DCAF1: variants seen among roughly 807,000 people sequenced by gnomAD.
DCAF1 encodes the protein DDB1- and CUL4-associated factor 1.
DCAF1 carries 15 observed loss-of-function variants against 128.0 expected under a neutral mutation model. That is an observed-to-expected ratio of 0.12 (90% CI 0.08 to 0.18). The LOEUF (loss-of-function observed/expected upper bound fraction) is 0.18. DCAF1 is among the 10% of genes least tolerant of loss of function. The probability of loss-of-function intolerance (pLI) is 1.00; values close to 1 mark genes in which losing one functional copy is unlikely to be tolerated. For missense variants in DCAF1, 988 were observed against 1,649.5 expected, an observed-to-expected ratio of 0.60 and a Z score of 6.95; for synonymous variants, 610 against 603.0, an observed-to-expected ratio of 1.01 and a Z score of -0.17.
chr3:51,499,013 C>G (rs782471633), intron 1 of DCAF1, among the ~76,000 whole-genome samples: 2 of 152,070 alleles, frequency 1.3e-5, no homozygotes, highest in Non-Finnish European at 2.9e-5. Flanking sequence ...AAGGAAAAAC[C>G]AAGACCAACA....
chr3:51,440,641 C>CA (rs527764219), intron 9 of DCAF1, among the ~76,000 whole-genome samples: 27 of 151,600 alleles, frequency 1.8e-4, no homozygotes, highest in Non-Finnish European at 3.5e-4. Flanking sequence ...CGCAGTGGCT[C>CA]ACGCCTGTAA....
chr3:51,464,453 G>A (rs1278479996), intron 5 of DCAF1, among the ~76,000 whole-genome samples: 1 of 151,902 alleles, frequency 6.6e-6, no homozygotes, highest in African/African-American at 2.4e-5. Flanking sequence ...CCAGCACATT[G>A]GGTGGCCAAA....
upstream of DCAF1, among the ~76,000 whole-genome samples, chr3:51,504,330 C>T (rs1553664915): frequency 6.6e-6 from 1 of 151,992 alleles, no homozygotes; most frequent in Non-Finnish European, 1.5e-5. Context: ...GCCACCGCGC[C>T]TGGCAACCCC....
At chr3:51,455,075 GTTTA>G (rs1239952816) in intron 6 of DCAF1, among the ~76,000 whole-genome samples, 1 of 152,064 alleles carries the variant, frequency 6.6e-6, no homozygotes, top group Non-Finnish European at 1.5e-5. Flanking sequence ...GAAATTATCA[GTTTA>G]TTTTTGTTTG....
chr3:51,496,952 A>G (rs1553661195), intron 1 of DCAF1, among the ~76,000 whole-genome samples, 172 bp from the exon 2 acceptor site: 1 of 152,092 alleles, frequency 6.6e-6, no homozygotes, highest in Non-Finnish European at 1.5e-5. Flanking sequence ...ATTCCACAAA[A>G]TATATATATA....
chr3:51,501,416 C>G (rs1406267522), upstream of DCAF1, among the ~76,000 whole-genome samples: 1 of 152,128 alleles, frequency 6.6e-6, no homozygotes, highest in Non-Finnish European at 1.5e-5. Flanking sequence ...AGCAGAATCT[C>G]GACCTGACAA....
rs138930039 is a variant in DCAF1, at chr3:51,443,984, T to C, written c.376-81A>G. 3,322 of 1,375,372 alleles carry C rather than the reference T, an allele frequency of 2.4e-3. 57 individuals carry two copies. In the African/African-American group the frequency reaches 0.029, roughly 12 times the overall value. The allele number at this position is 1,375,372 out of a possible 1,614,324, so 85.2% of individuals were successfully genotyped here. A position where few individuals can be genotyped will look rare whatever the true frequency, so the allele number is the denominator to read the frequency against. On this transcript the variant is annotated intron_variant, in intron 6 of 24. Transcript: ENST00000684031. ...ACAATAAGCAAAGATTTCAGTCTCA[T>C]GAAAAAAATTTTAATATTTCAATGT...
intron 13 of DCAF1, among the ~76,000 whole-genome samples, chr3:51,425,085 C>A (rs1553633772): frequency 6.6e-6 from 1 of 152,064 alleles, no homozygotes; most frequent in African/African-American, 2.4e-5. Flanking sequence ...ATTTTCTTTT[C>A]TCTTTAAAAG....
intron 5 of DCAF1, among the ~76,000 whole-genome samples, chr3:51,464,031 T>G (rs1190133816): frequency 2.0e-5 from 3 of 151,946 alleles, no homozygotes; most frequent in African/African-American, 7.3e-5. Flanking sequence ...ATTTTTTCAT[T>G]TTTAGTAGAG....
chr3:51,460,106 G>A (rs2108003681), intron 6 of DCAF1, among the ~76,000 whole-genome samples: 1 of 152,266 alleles, frequency 6.6e-6, no homozygotes, highest in South Asian at 2.1e-4. Context: ...AGGAAAAGAG[G>A]AAGTCAAATT....
At chr3:51,457,000 G>A (rs1553643031) in intron 6 of DCAF1, among the ~76,000 whole-genome samples, 1 of 152,180 alleles carries the variant, frequency 6.6e-6, no homozygotes, top group African/African-American at 2.4e-5. Flanking sequence ...CTAAAAATCA[G>A]AGCGCCTCTC....
At chr3:51,427,668 T>C (rs1700019727) in intron 12 of DCAF1, 127 bp from the exon 13 acceptor site, 1 of 424,708 alleles carries the variant, frequency 2.4e-6, no homozygotes, top group African/African-American at 2.0e-5. Context: ...GGTCTCACTT[T>C]GCTGCCCAGG....
intron 2 of DCAF1, among the ~76,000 whole-genome samples, chr3:51,491,118 G>A (rs1472503057): frequency 2.0e-5 from 3 of 151,462 alleles, no homozygotes; most frequent in African/African-American, 7.3e-5. Context: ...GGGAGGTCGA[G>A]GCAGGTGGAT....
intron 6 of DCAF1, among the ~76,000 whole-genome samples, chr3:51,457,361 G>GA (rs1553643139): frequency 6.6e-6 from 1 of 152,094 alleles, no homozygotes; most frequent in Non-Finnish European, 1.5e-5. Context: ...GAAGTTTACA[G>GA]AAAAAAGAAT....
At chr3:51,414,518 C>T in intron 19 of DCAF1, 106 bp downstream of exon 19, 2 of 1,443,366 alleles carry the variant, frequency 1.4e-6, no homozygotes, top group Non-Finnish European at 9.3e-7. Flanking sequence ...CATATTATTA[C>T]CAGTGTGGAC....
chr3:51,430,596 T>C (rs1700281114), intron 10 of DCAF1, among the ~76,000 whole-genome samples: 2 of 152,192 alleles, frequency 1.3e-5, no homozygotes, highest in Non-Finnish European at 2.9e-5. Context: ...GTCTAGGAGT[T>C]TGGTATTCAT....
intron 5 of DCAF1, 67 bp downstream of exon 5, chr3:51,466,736 G>GA: frequency 1.3e-6 from 2 of 1,544,176 alleles, no homozygotes; most frequent in Middle Eastern, 1.7e-4. Flanking sequence ...AACTATTCAC[G>GA]AAAAAACAAT....
At chr3:51,479,372 G>A (rs1705877685) in intron 3 of DCAF1, among the ~76,000 whole-genome samples, 2 of 152,052 alleles carry the variant, frequency 1.3e-5, no homozygotes, top group Admixed American at 6.6e-5. Flanking sequence ...GCAGGGTGGT[G>A]TGTGCCTGTA....
downstream of DCAF1, chr3:51,397,571 A>G (rs1274875912): frequency 6.0e-6 from 1 of 167,140 alleles, no homozygotes; most frequent in Non-Finnish European, 1.5e-5. Context: ...TGCTGGATCC[A>G]GAACATGACA....
Sources: gnomAD v4.1 joint callset for allele counts (sites outside exome capture counted in the v4.1 genomes callset) on GRCh38, gnomAD v4.1.1 for gene constraint, MANE v1.5 for transcripts, NCBI Gene and HGNC (gene_info 2026-07-23, HGNC 2026-07-21) for gene names.